TAOK3: variants seen among roughly 807,000 people sequenced by gnomAD.
TAOK3 encodes serine/threonine-protein kinase TAO3.
A neutral mutation model predicts 120.4 loss-of-function variants in TAOK3; 40 were observed. The observed-to-expected ratio is 0.33, with a 90% CI of 0.26 to 0.43. The LOEUF (loss-of-function observed/expected upper bound fraction) is 0.43, where lower values mean the gene tolerates loss of function less well. Among genes scored for constraint, TAOK3 ranks in the 20% least tolerant of loss-of-function variants. TAOK3 has a pLI of 1.00. For missense variants in TAOK3, 821 were observed against 1,112.1 expected (o/e 0.74, Z 3.72); for synonymous variants, 355 against 387.5 (o/e 0.92, Z 0.99).
rs371125415 is a variant in TAOK3, at chr12:118,182,623, A to ATATATATATATATATATT, written c.1330-1017_1330-1016insAATATATATATATATATA. 1.4e-4 allele frequency among the ~76,000 whole-genome samples: 13 copies of ATATATATATATATATATT among 92,390 alleles called. No individual in the cohort carries two copies. In the South Asian group the frequency reaches 1.4e-3, roughly 10 times the overall value. 60.6% of individuals were successfully genotyped at this position (92,390 alleles called of 152,430 possible). On this transcript the variant is annotated intron_variant, in intron 14 of 20. Coordinates refer to ENST00000392533, the MANE Select transcript of TAOK3 (RefSeq NM_016281.4). ...TGTATATATATATATATATATATAT[A>ATATATATATATATATATT]TTTTTTTTTTTTTTTAAGGATCATG...
intron 13 of TAOK3, among the ~76,000 whole-genome samples, chr12:118,193,438 T>C (rs778617251): frequency 6.6e-6 from 1 of 152,172 alleles, no homozygotes. Context: ...GTAAAAAGAA[T>C]TGAATTTCTA....
chr12:118,355,001 G>T (rs1367174937), intron 1 of TAOK3, among the ~76,000 whole-genome samples: 1 of 152,004 alleles, frequency 6.6e-6, no homozygotes, highest in Non-Finnish European at 1.5e-5. Flanking sequence ...TGAGGCTGAG[G>T]CTGTGGTGAG....
intron 1 of TAOK3, among the ~76,000 whole-genome samples, chr12:118,339,275 CTT>C (rs72009582): frequency 0.051 from 4,356 of 86,156 alleles, 41 homozygotes; most frequent in East Asian, 0.19. Context: ...CTTCATCATA[CTT>C]TTTTTTTTTT....
chr12:118,152,112 T>A, intron 20 of TAOK3, 115 bp downstream of exon 20: 1 of 972,670 alleles, frequency 1.0e-6, no homozygotes, highest in Non-Finnish European at 1.5e-6. Context: ...ATAAAGCAGA[T>A]AAGTGAAAAG....
At chr12:118,363,490 A>C (rs1416758008) in intron 1 of TAOK3, among the ~76,000 whole-genome samples, 1 of 152,226 alleles carries the variant, frequency 6.6e-6, no homozygotes, top group African/African-American at 2.4e-5. Context: ...CAAATCCTAC[A>C]ATGTAATATT....
At chr12:118,339,964 AATT>A (rs1290309639) in intron 1 of TAOK3, among the ~76,000 whole-genome samples, 1 of 152,190 alleles carries the variant, frequency 6.6e-6, no homozygotes, top group Non-Finnish European at 1.5e-5. Flanking sequence ...CATGTTGTCA[AATT>A]ATTAATATCT....
intron 11 of TAOK3, among the ~76,000 whole-genome samples, chr12:118,202,773 C>A (rs1412844085): frequency 3.0e-5 from 3 of 100,646 alleles, no homozygotes; most frequent in Admixed American, 1.2e-4. Flanking sequence ...ATAGTCTATT[C>A]TTTTTTTTTT....
intron 3 of TAOK3, among the ~76,000 whole-genome samples, chr12:118,250,697 GGATA>G (rs1183444780): frequency 6.6e-6 from 1 of 152,124 alleles, no homozygotes; most frequent in Non-Finnish European, 1.5e-5. Flanking sequence ...TCCTCTAGGA[GGATA>G]GACAATAACA....
At chr12:118,264,940 G>A (rs1344382740) in intron 2 of TAOK3, among the ~76,000 whole-genome samples, 1 of 151,798 alleles carries the variant, frequency 6.6e-6, no homozygotes, top group East Asian at 1.9e-4. Context: ...AGACTAAAGT[G>A]AGAGAATTCT....
At chr12:118,192,611 T>C (rs913499211) in intron 13 of TAOK3, among the ~76,000 whole-genome samples, 5 of 152,222 alleles carry the variant, frequency 3.3e-5, no homozygotes, top group African/African-American at 1.2e-4. Context: ...AGACAGCTTA[T>C]GAAGCTATTT....
chr12:118,165,711 T>C (rs2035537383), intron 17 of TAOK3, among the ~76,000 whole-genome samples: 1 of 152,238 alleles, frequency 6.6e-6, no homozygotes, highest in South Asian at 2.1e-4. Flanking sequence ...GTACACATTG[T>C]GAACTATCGT....
At chr12:118,369,170 A>C (rs894329744) in intron 1 of TAOK3, among the ~76,000 whole-genome samples, 1 of 152,196 alleles carries the variant, frequency 6.6e-6, no homozygotes, top group African/African-American at 2.4e-5. Context: ...CCTGGGTGAC[A>C]GAGCTACATA....
chr12:118,159,097 T>C (rs1368130207), intron 19 of TAOK3, among the ~76,000 whole-genome samples: 5 of 152,344 alleles, frequency 3.3e-5, no homozygotes, highest in African/African-American at 4.8e-5. Context: ...ATCTTCCTCC[T>C]TGAACTTTGG....
intron 1 of TAOK3, among the ~76,000 whole-genome samples, chr12:118,363,652 A>C (rs1440381069): frequency 6.6e-6 from 1 of 152,190 alleles, no homozygotes; most frequent in Non-Finnish European, 1.5e-5. Flanking sequence ...ACTACGTAAA[A>C]GAAATGGAAC....
intron 17 of TAOK3, among the ~76,000 whole-genome samples, chr12:118,168,060 T>C (rs1751798032): frequency 6.6e-6 from 1 of 152,148 alleles, no homozygotes; most frequent in Non-Finnish European, 1.5e-5. Context: ...CTCATTTTTG[T>C]AAAGTCATAT....
At chr12:118,268,524 G>A (rs2041556330) in intron 1 of TAOK3, among the ~76,000 whole-genome samples, 1 of 152,114 alleles carries the variant, frequency 6.6e-6, no homozygotes, top group African/African-American at 2.4e-5. Flanking sequence ...TTCTGTCTGT[G>A]GCTGTGGAAT....
rs187029472 is a variant in TAOK3, at chr12:118,327,236, G to A, written c.-194+45412C>T. 1.6e-4 allele frequency among the ~76,000 whole-genome samples: 24 copies of A among 152,240 alleles called. 1 individual carries two copies. In the East Asian group the frequency reaches 4.4e-3, roughly 28 times the overall value. On this transcript the variant is annotated intron_variant, in intron 1 of 20. Transcript: ENST00000392533. ...ATCTACAATATGCTTACTTTGTGCT[G>A]GAGGCTTTATGTATATTATATCAAG...
rs560657566 is a variant in TAOK3 at position 118,230,474 on chromosome 12, T to G, written c.643+3200A>C. 6.9e-3 allele frequency among the ~76,000 whole-genome samples: 888 copies of G among 129,184 alleles called. 1 individual carries two copies. The highest frequency in any genetic ancestry group is 0.012 in the Non-Finnish European group (751 of 60,770). The allele number at this position is 129,184 out of a possible 152,430, so 84.7% of individuals were successfully genotyped here. ...CCCTGTGAAGTGTTTTTTTTTTTTT[T>G]TTTTTTTTTTTTTTTGAGACAGAGT... On this transcript the variant is annotated intron_variant, in intron 9 of 20. Coordinates refer to ENST00000392533, the MANE Select transcript of TAOK3 (RefSeq NM_016281.4).
intron 12 of TAOK3, 197 bp from the exon 13 acceptor site, chr12:118,199,454 C>G (rs1195825018): frequency 1.7e-6 from 1 of 597,260 alleles, no homozygotes; most frequent in African/African-American, 1.9e-5. Flanking sequence ...CTATGCCTTC[C>G]CCAGGGGCCA....
Sources: gnomAD v4.1 joint callset for allele counts (sites outside exome capture counted in the v4.1 genomes callset) on GRCh38, gnomAD v4.1.1 for gene constraint, MANE v1.5 for transcripts, NCBI Gene and HGNC (gene_info 2026-07-23, HGNC 2026-07-21) for gene names.